Variants in FAT3 observed in about 807,000 individuals in gnomAD.
FAT3 encodes protocadherin Fat 3.
Under a neutral mutation model 310.2 loss-of-function variants are expected in FAT3, and 95 were observed. The observed-to-expected ratio is 0.31, with a 90% CI of 0.26 to 0.36. The LOEUF (loss-of-function observed/expected upper bound fraction) is 0.36. FAT3 is among the 10% of genes least tolerant of loss of function. The probability of loss-of-function intolerance (pLI) is 1.00; values close to 1 mark genes in which losing one functional copy is unlikely to be tolerated. For synonymous variants in FAT3, 2,314 were observed against 2,192.9 expected (o/e 1.06, Z -1.54); for missense variants, 5,408 against 5,715.6 (o/e 0.95, Z 1.74).
In FAT3 at chr11:92,844,131, G is replaced by T; in HGVS notation, c.10764G>T (p.Leu3588=). The part of the protein sequence containing the change: ...QDMYDVLTFA[L]KSEQKSLFKV... ...TGTATGATGTGCTCACATTTGCCCT[G>T]AAATCGGAGCAGAAAAGCTTATTTA... Residue 3588 remains leucine (L), a synonymous_variant, in exon 19 of 28, where the codon CTG becomes CTT. Transcript: ENST00000525166. 1 of 1,614,006 alleles carries T rather than the reference G, an allele frequency of 6.2e-7. No homozygotes were observed. Among genetic ancestry groups the T allele is most frequent in the Middle Eastern group, 1.6e-4 (1 of 6,062 alleles).
intron 3 of FAT3, among the ~76,000 whole-genome samples, chr11:92,533,230 G>GT (rs1165636082): frequency 2.0e-5 from 3 of 152,034 alleles, no homozygotes; most frequent in Non-Finnish European, 4.4e-5. Flanking sequence ...GTCTCACTCT[G>GT]TTGCCCAGGC....
intron 24 of FAT3, 94 bp from the exon 25 acceptor site, chr11:92,886,906 C>G: frequency 5.1e-6 from 5 of 973,222 alleles, no homozygotes; most frequent in Non-Finnish European, 7.8e-6. Flanking sequence ...GAAAGTGCCT[C>G]GAGAAGTGAA....
At chr11:92,475,659 A>G (rs530739515) in intron 2 of FAT3, among the ~76,000 whole-genome samples, 83 of 152,326 alleles carry the variant, frequency 5.4e-4, no homozygotes, top group South Asian at 6.2e-4. Flanking sequence ...AAAGAAATGC[A>G]AAATAACAAA....
At chr11:92,535,312 G>A (rs1954216797) in intron 3 of FAT3, among the ~76,000 whole-genome samples, 1 of 152,150 alleles carries the variant, frequency 6.6e-6, no homozygotes. Context: ...AAAAAACAGG[G>A]AAGGATGCTT....
chr11:92,251,098 GA>G (rs1300598098), intron 1 of FAT3, among the ~76,000 whole-genome samples: 2 of 152,102 alleles, frequency 1.3e-5, no homozygotes, highest in African/African-American at 4.8e-5. Context: ...CTTTAAGCCA[GA>G]ATAAAAACAT....
At chr11:92,877,862 C>T (rs1350607038) in intron 22 of FAT3, among the ~76,000 whole-genome samples, 1 of 152,164 alleles carries the variant, frequency 6.6e-6, no homozygotes, top group Non-Finnish European at 1.5e-5. Context: ...TCTCAATAAA[C>T]TCATCATAAG....
In FAT3 at chr11:92,774,036, A is replaced by T; in HGVS notation, c.4196-5A>T. The stretch of plus-strand genomic sequence containing the variant: ...GCTAATTTCATGTTTCTGTGAAATC[A>T]TCAGGGGGGAATTTTGACAGCGCTT... On this transcript the variant is annotated splice_region_variant and splice_polypyrimidine_tract_variant and intron_variant, in intron 6 of 27. Coordinates refer to ENST00000525166, the MANE Select transcript of FAT3 (RefSeq NM_001367949.2). The T allele has an allele frequency of 6.2e-7, 1 of 1,612,864 alleles. No individual in the cohort carries two copies. Among genetic ancestry groups the T allele is most frequent in the Non-Finnish European group, 8.5e-7 (1 of 1,179,434 alleles).
chr11:92,866,565 G>T (rs1478306751), intron 21 of FAT3, among the ~76,000 whole-genome samples, 176 bp from the exon 22 acceptor site: 1 of 152,184 alleles, frequency 6.6e-6, no homozygotes, highest in African/African-American at 2.4e-5. Context: ...TTCATGGCAG[G>T]TAAGGGGGAG....
chr11:92,783,295 T>C (rs1445359485), intron 7 of FAT3, among the ~76,000 whole-genome samples: 1 of 143,324 alleles, frequency 7.0e-6, no homozygotes, highest in Non-Finnish European at 1.5e-5. Flanking sequence ...GAGGCAGAGG[T>C]TGCAGTAAGC....
intron 2 of FAT3, among the ~76,000 whole-genome samples, chr11:92,520,213 A>G (rs1953636400): frequency 6.6e-6 from 1 of 152,160 alleles, no homozygotes; most frequent in African/African-American, 2.4e-5. Flanking sequence ...CAAAATAATT[A>G]CTGTGAGTGA....
intron 1 of FAT3, among the ~76,000 whole-genome samples, chr11:92,321,742 T>C (rs534839547): frequency 2.0e-5 from 3 of 152,310 alleles, no homozygotes; most frequent in East Asian, 1.9e-4. Flanking sequence ...AGCTGTATCT[T>C]GAGTGGAGAT....
rs536546604 is a variant in FAT3, at chr11:92,747,477, G to A, written c.3670-14379G>A. Among the ~76,000 whole-genome samples, 9 of 152,334 alleles carry A rather than the reference G, an allele frequency of 5.9e-5. No individual in the cohort carries two copies. The East Asian group carries it at 1.7e-3, about 29-fold the overall frequency. ...CCTCCTAGGCCTCCAGGAAGCCTGT[G>A]ATGGAAGGGGCTGCCTTGAAGGCCT... On this transcript the variant is annotated intron_variant, in intron 4 of 27. Transcript: ENST00000525166.
rs886673707 is a variant in FAT3, at chr11:92,827,124, G to A, written c.9482-4498G>A. Among the ~76,000 whole-genome samples the A allele has an allele frequency of 4.6e-5, 7 of 152,164 alleles. 1 individual carries two copies. The highest frequency in any genetic ancestry group is 1.7e-4 in the African/African-American group (7 of 41,440). ...GATCCCCAGGGATGATCCTCTCACT[G>A]GGGGTTATTTCTCACTGAAGTGTAA... On this transcript the variant is annotated intron_variant, in intron 13 of 27. Transcript: ENST00000525166.
At chr11:92,225,884 C>T (rs942690386) in intron 1 of FAT3, among the ~76,000 whole-genome samples, 1 of 152,068 alleles carries the variant, frequency 6.6e-6, no homozygotes, top group African/African-American at 2.4e-5. Context: ...GAGAGGGAAC[C>T]GGAATGCTTT....
At chr11:92,685,025 T>C (rs1400542601) in intron 3 of FAT3, among the ~76,000 whole-genome samples, 7 of 152,208 alleles carry the variant, frequency 4.6e-5, no homozygotes, top group Non-Finnish European at 1.0e-4. Flanking sequence ...TCTTGATATG[T>C]ATCGTGGGGT....
chr11:92,356,574 A>G (rs1233889649), intron 2 of FAT3, among the ~76,000 whole-genome samples: 1 of 152,192 alleles, frequency 6.6e-6, no homozygotes, highest in Admixed American at 6.5e-5. Context: ...TCCATGTCAC[A>G]TGGCAAAGAG....
intron 2 of FAT3, among the ~76,000 whole-genome samples, chr11:92,385,387 A>G (rs1258475382): frequency 2.6e-5 from 4 of 152,190 alleles, no homozygotes. Flanking sequence ...TTTATTTTTG[A>G]GACAGAATCT....
intron 1 of FAT3, among the ~76,000 whole-genome samples, chr11:92,273,829 C>A (rs1295794813): frequency 1.3e-5 from 2 of 152,094 alleles, no homozygotes; most frequent in Non-Finnish European, 2.9e-5. Context: ...TTTGCTTTAA[C>A]CATTCTTCTT....
At chr11:92,653,764 A>T (rs1352309072) in intron 3 of FAT3, among the ~76,000 whole-genome samples, 1 of 152,142 alleles carries the variant, frequency 6.6e-6, no homozygotes, top group Non-Finnish European at 1.5e-5. Flanking sequence ...TGGCTGCTGG[A>T]GCCTAATTAG....
Sources: allele counts gnomAD v4.1 joint callset (sites outside exome capture counted in the v4.1 genomes callset), GRCh38; gene constraint gnomAD v4.1.1; transcripts MANE v1.5; gene names NCBI Gene and HGNC (gene_info 2026-07-23, HGNC 2026-07-21).